ABRAXAS2: variants seen among roughly 807,000 people sequenced by gnomAD.
ABRAXAS2 encodes abraxas 2, BRISC complex subunit, also known as BRISC complex subunit Abraxas 2.
In ABRAXAS2, 23 loss-of-function variants were observed where a neutral mutation model predicts 49.0. That is an observed-to-expected ratio of 0.47 (90% CI 0.34 to 0.66). ABRAXAS2 has a LOEUF of 0.66. Among genes scored for constraint, ABRAXAS2 ranks in the 30% least tolerant of loss-of-function variants. The pLI is 0.01. For synonymous variants in ABRAXAS2, 168 were observed against 180.2 expected (o/e 0.93, Z 0.54); for missense variants, 443 against 511.9 (o/e 0.87, Z 1.30).
At chr10:124,831,842 CTTTTTTT>C (rs71029219) in intron 8 of ABRAXAS2, among the ~76,000 whole-genome samples, 2 of 37,698 alleles carry the variant, frequency 5.3e-5, no homozygotes, top group East Asian at 8.5e-4. Context: ...TGTGTCCTGT[CTTTTTTT>C]TTTTTTTTTT....
intron 2 of ABRAXAS2, among the ~76,000 whole-genome samples, chr10:124,814,570 A>C (rs898102410): frequency 6.6e-6 from 1 of 151,802 alleles, no homozygotes; most frequent in African/African-American, 2.4e-5. Flanking sequence ...TGAACCCCTA[A>C]CCTCAGGTGA....
At chr10:124,802,004 C>A in intron 1 of ABRAXAS2, 103 bp downstream of exon 1, 1 of 1,185,780 alleles carries the variant, frequency 8.4e-7, no homozygotes, top group Non-Finnish European at 1.2e-6. Context: ...GCCCCCTGGG[C>A]ACCAGGGCCG....
chr10:124,832,958 C>A (rs536607327), intron 8 of ABRAXAS2, among the ~76,000 whole-genome samples: 1 of 151,402 alleles, frequency 6.6e-6, no homozygotes, highest in South Asian at 2.1e-4. Flanking sequence ...CCAGCCTGAC[C>A]AACATGGTGA....
At position 124,826,731 on chromosome 10, in the gene ABRAXAS2, C is replaced by A; in HGVS notation, c.404C>A (p.Thr135Asn). The A allele has an allele frequency of 6.2e-7, 1 of 1,614,242 alleles. No homozygotes were observed. Among genetic ancestry groups the A allele is most frequent in the Non-Finnish European group, 8.5e-7 (1 of 1,180,052 alleles). ...TTTCTTCTCTTCAGCTTCATCTCCA[C>A]TGCCAACAATTCCACTCACGCTTTA... ...LVFLLFSFIS[T>N]ANNSTHALEY... Residue 135 changes from threonine to asparagine, a missense_variant, in exon 5 of 9, where the codon ACT becomes AAT. By Grantham distance (65) the Thr-to-Asn change is moderately conservative (BLOSUM62 0). Transcript: ENST00000298492.
chr10:124,827,714 G>A (rs1950905536), intron 5 of ABRAXAS2, among the ~76,000 whole-genome samples: 1 of 151,114 alleles, frequency 6.6e-6, no homozygotes, highest in South Asian at 2.1e-4. Context: ...ACCACCTGCT[G>A]GTTAACGAGG....
chr10:124,804,888 AT>A (rs1950730306), intron 1 of ABRAXAS2, among the ~76,000 whole-genome samples: 1 of 151,282 alleles, frequency 6.6e-6, no homozygotes, highest in Non-Finnish European at 1.5e-5. Flanking sequence ...TAGTTTTTAT[AT>A]TTTTAGTAGA....
chr10:124,832,929 C>T (rs1312503344), intron 8 of ABRAXAS2, among the ~76,000 whole-genome samples: 2 of 150,918 alleles, frequency 1.3e-5, no homozygotes, highest in African/African-American at 2.4e-5. Context: ...GGGTGGATCA[C>T]GAGGTCAGGA....
intron 4 of ABRAXAS2, among the ~76,000 whole-genome samples, chr10:124,820,805 A>G (rs754360350): frequency 6.6e-6 from 1 of 152,176 alleles, no homozygotes; most frequent in Non-Finnish European, 1.5e-5. Context: ...TAAAACTAAA[A>G]TTTGTTCTAT....
At chr10:124,814,980 G>A (rs1215446889) in intron 2 of ABRAXAS2, 1 of 152,132 alleles carries the variant, frequency 6.6e-6, no homozygotes, top group Non-Finnish European at 1.5e-5. Flanking sequence ...AAGTGCAGTA[G>A]TGAGAAGGGG....
intron 2 of ABRAXAS2, among the ~76,000 whole-genome samples, chr10:124,810,070 A>C (rs1450766486): frequency 3.3e-5 from 5 of 152,022 alleles, no homozygotes; most frequent in Non-Finnish European, 4.4e-5. Flanking sequence ...TATTTTTTTG[A>C]AATTTTTTTT....
chr10:124,808,303 G>A (rs1026791988), intron 2 of ABRAXAS2, among the ~76,000 whole-genome samples: 2 of 152,040 alleles, frequency 1.3e-5, no homozygotes, highest in African/African-American at 4.8e-5. Flanking sequence ...AGCCTCCCGA[G>A]TAGCTGGGAC....
At chr10:124,808,305 A>G (rs1387549991) in intron 2 of ABRAXAS2, among the ~76,000 whole-genome samples, 2 of 151,958 alleles carry the variant, frequency 1.3e-5, no homozygotes, top group African/African-American at 2.4e-5. Context: ...CCTCCCGAGT[A>G]GCTGGGACTA....
chr10:124,828,572 T>C (rs1950911341), intron 5 of ABRAXAS2, among the ~76,000 whole-genome samples, 184 bp from the exon 6 acceptor site: 1 of 152,042 alleles, frequency 6.6e-6, no homozygotes, highest in Non-Finnish European at 1.5e-5. Context: ...TTCACCATGT[T>C]GGCCAGGCTG....
At chr10:124,827,162 A>ATTATAGTGCT (rs1403516785) in intron 5 of ABRAXAS2, among the ~76,000 whole-genome samples, 1 of 137,252 alleles carries the variant, frequency 7.3e-6, no homozygotes, top group African/African-American at 2.6e-5. Context: ...ATTATAGTGC[A>ATTATAGTGCT]TTTTTTTTTT....
intron 2 of ABRAXAS2, among the ~76,000 whole-genome samples, chr10:124,812,052 C>T (rs1021879131): frequency 1.2e-4 from 18 of 152,214 alleles, no homozygotes; most frequent in African/African-American, 4.3e-4. Context: ...GCTGGGATTA[C>T]AGGCGTAAGC....
chr10:124,832,690 C>T (rs1436778384), intron 8 of ABRAXAS2, among the ~76,000 whole-genome samples: 1 of 151,786 alleles, frequency 6.6e-6, no homozygotes, highest in East Asian at 1.9e-4. Context: ...ACTAAAAATA[C>T]AAAAATTAGC....
At chr10:124,820,966 T>C (rs993872319) in intron 4 of ABRAXAS2, among the ~76,000 whole-genome samples, 21 of 151,960 alleles carry the variant, frequency 1.4e-4, no homozygotes, top group Non-Finnish European at 2.9e-4. Flanking sequence ...CAGGCTGGAG[T>C]GCAGTGGCAT....
chr10:124,803,730 C>T (rs890591547), intron 1 of ABRAXAS2, among the ~76,000 whole-genome samples: 5 of 152,082 alleles, frequency 3.3e-5, no homozygotes, highest in South Asian at 2.1e-4. Context: ...GGAGAAACCC[C>T]GTCTCTACTG....
intron 5 of ABRAXAS2, among the ~76,000 whole-genome samples, chr10:124,828,486 T>C (rs1950910718): frequency 6.6e-6 from 1 of 152,158 alleles, no homozygotes; most frequent in Admixed American, 6.5e-5. Flanking sequence ...TGCCTCAGCC[T>C]CCCGAGTAGC....
Sources: gnomAD v4.1 joint callset for allele counts (sites outside exome capture counted in the v4.1 genomes callset) on GRCh38, gnomAD v4.1.1 for gene constraint, MANE v1.5 for transcripts, NCBI Gene and HGNC (gene_info 2026-07-23, HGNC 2026-07-21) for gene names.